NOL4: variants seen among roughly 807,000 people sequenced by gnomAD.
NOL4 encodes the protein nucleolar protein 4.
Under a neutral mutation model 75.9 loss-of-function variants are expected in NOL4, and 17 were observed. That is an observed-to-expected ratio of 0.22 (90% CI 0.15 to 0.34). NOL4 has a LOEUF of 0.34. Ranked by LOEUF, NOL4 falls within the 10% of genes least tolerant of loss-of-function variation. The pLI is 1.00. For synonymous variants in NOL4, 292 were observed against 289.9 expected, an observed-to-expected ratio of 1.01 and a Z score of -0.07; for missense variants, 614 against 793.5, an observed-to-expected ratio of 0.77 and a Z score of 2.72.
intron 9 of NOL4, among the ~76,000 whole-genome samples, chr18:33,903,789 G>C (rs570322240): frequency 6.6e-6 from 1 of 151,962 alleles, no homozygotes; most frequent in African/African-American, 2.4e-5. Flanking sequence ...AATACTTTAT[G>C]TCTTGTTTCT....
rs548287975 is a variant in NOL4 at position 34,017,600 on chromosome 18, G to A, written c.1056+1718C>T. Among the ~76,000 whole-genome samples, 3 of 152,184 alleles carry A rather than the reference G, an allele frequency of 2.0e-5. No homozygotes were observed. In the South Asian group the frequency reaches 6.2e-4, roughly 32 times the overall value. ...AAGTATTTACTATGTTCTTTTTGAA[G>A]ACAATAATAAAAATAATATCTCTTG... On this transcript the variant is annotated intron_variant, in intron 6 of 10. Coordinates refer to ENST00000261592, the MANE Select transcript of NOL4 (RefSeq NM_003787.5).
At chr18:34,025,713 C>T (rs1190714025) in intron 5 of NOL4, among the ~76,000 whole-genome samples, 2 of 152,094 alleles carry the variant, frequency 1.3e-5, no homozygotes, top group African/African-American at 2.4e-5. Context: ...CCTTTTATCT[C>T]TAATTGCAGA....
At chr18:34,039,894 A>G (rs893394893) in intron 5 of NOL4, among the ~76,000 whole-genome samples, 1 of 152,140 alleles carries the variant, frequency 6.6e-6, no homozygotes, top group East Asian at 1.9e-4. Flanking sequence ...TCAGCTCAGC[A>G]TTCAATAAAT....
intron 6 of NOL4, among the ~76,000 whole-genome samples, chr18:33,970,039 A>C (rs185089589): frequency 6.6e-6 from 1 of 152,184 alleles, no homozygotes. Flanking sequence ...GGACCCATTC[A>C]GTAGGTCTAC....
At chr18:34,151,502 G>T (rs1345999799) in intron 1 of NOL4, among the ~76,000 whole-genome samples, 9 of 151,762 alleles carry the variant, frequency 5.9e-5, no homozygotes, top group Non-Finnish European at 2.9e-5. Context: ...CTGGAAGAAG[G>T]CAAAACTAAG....
Position 34,100,756 on chromosome 18 carries a change from T to C in NOL4, c.639+3291A>G, listed in dbSNP as rs558236740. 1.4e-3 allele frequency among the ~76,000 whole-genome samples: 214 copies of C among 152,284 alleles called. 1 individual carries two copies. The highest frequency in any genetic ancestry group is 2.5e-3 in the Non-Finnish European group (173 of 68,014). On this transcript the variant is annotated intron_variant, in intron 4 of 10. Coordinates refer to ENST00000261592, the MANE Select transcript of NOL4 (RefSeq NM_003787.5). ...TTGGTAGTATCTTCAGTCTCATGGC[T>C]TCACACACTATCTGCCGATGATGCT...
intron 6 of NOL4, among the ~76,000 whole-genome samples, chr18:34,008,481 G>A (rs2074184559): frequency 6.6e-6 from 1 of 151,560 alleles, no homozygotes; most frequent in Non-Finnish European, 1.5e-5. Flanking sequence ...TAATATCTTA[G>A]TTAATGAAAA....
chr18:33,861,975 C>G (rs539054642), intron 10 of NOL4, among the ~76,000 whole-genome samples: 1 of 152,126 alleles, frequency 6.6e-6, no homozygotes, highest in African/African-American at 2.4e-5. Flanking sequence ...AAACCTAAAC[C>G]AAAAGAACAA....
chr18:34,033,655 C>T (rs1324192261), intron 5 of NOL4, among the ~76,000 whole-genome samples: 1 of 151,970 alleles, frequency 6.6e-6, no homozygotes, highest in African/African-American at 2.4e-5. Flanking sequence ...GAAAACTCCC[C>T]AATTTAGGAA....
chr18:34,121,649 C>T (rs1276998258), intron 2 of NOL4, among the ~76,000 whole-genome samples: 2 of 152,174 alleles, frequency 1.3e-5, no homozygotes, highest in Non-Finnish European at 2.9e-5. Flanking sequence ...CGACAGTGCA[C>T]TATGGTTGCA....
rs529636235 is a variant in NOL4 at position 34,189,648 on chromosome 18, A to G, written c.264+33342T>C. 3.3e-5 allele frequency among the ~76,000 whole-genome samples: 5 copies of G among 152,312 alleles called. No individual in the cohort carries two copies. The East Asian group carries it at 7.7e-4, about 24-fold the overall frequency. ...ATTATATGTAATAATACATTTTAAG[A>G]CTATATTCCACCTGGTATATTTTAA... On this transcript the variant is annotated intron_variant, in intron 1 of 10. Coordinates refer to ENST00000261592, the MANE Select transcript of NOL4 (RefSeq NM_003787.5).
At position 33,968,085 on chromosome 18, in the gene NOL4, C is replaced by CAAAT. The variant is rs564622294; in HGVS notation, c.1057-9671_1057-9668dup. ...TGGGTGACAGAGTGAGACTCCATCTCAAATAAATAAATAAATAAATAAATA... is the reference window on the plus strand; with the variant it reads ...TGGGTGACAGAGTGAGACTCCATCTCAAATAAATAAATAAATAAATAAATAAATA... On this transcript the variant is annotated intron_variant, in intron 6 of 10. Transcript: ENST00000261592. Among the ~76,000 whole-genome samples the CAAAT allele has an allele frequency of 1.6e-3, 243 of 151,286 alleles. 1 individual carries two copies. The Middle Eastern group carries it at 0.024, about 15-fold the overall frequency.
At chr18:34,042,486 T>C (rs1346397279) in intron 5 of NOL4, among the ~76,000 whole-genome samples, 2 of 152,038 alleles carry the variant, frequency 1.3e-5, no homozygotes, top group Admixed American at 6.6e-5. Context: ...TTTAATCATA[T>C]TCCAAAAGTT....
At chr18:33,946,883 T>A (rs1036710614) in intron 8 of NOL4, among the ~76,000 whole-genome samples, 3 of 151,646 alleles carry the variant, frequency 2.0e-5, no homozygotes, top group African/African-American at 7.2e-5. Context: ...TAAATTACTA[T>A]ACACGAACCA....
At chr18:34,100,955 C>T (rs564236381) in intron 4 of NOL4, among the ~76,000 whole-genome samples, 136 of 152,276 alleles carry the variant, frequency 8.9e-4, no homozygotes, top group South Asian at 6.8e-3. Flanking sequence ...GTTTTTCTTA[C>T]ACTAGTTAAT....
At chr18:34,145,732 C>A (rs1288974932) in intron 1 of NOL4, among the ~76,000 whole-genome samples, 1 of 151,852 alleles carries the variant, frequency 6.6e-6, no homozygotes, top group African/African-American at 2.4e-5. Flanking sequence ...AAAAGAAAAA[C>A]TAACTCAATT....
At chr18:34,066,967 TA>T (rs1185033302) in intron 5 of NOL4, among the ~76,000 whole-genome samples, 3 of 152,120 alleles carry the variant, frequency 2.0e-5, no homozygotes, top group Non-Finnish European at 2.9e-5. Context: ...AAAATACCTT[TA>T]TACGTCAGGC....
intron 10 of NOL4, among the ~76,000 whole-genome samples, chr18:33,858,291 T>C (rs1182472907): frequency 6.6e-6 from 1 of 152,038 alleles, no homozygotes; most frequent in Non-Finnish European, 1.5e-5. Context: ...AATTCGCCCC[T>C]TGAAAACTTT....
At chr18:33,882,707 T>G (rs1045641445) in intron 10 of NOL4, among the ~76,000 whole-genome samples, 5 of 151,828 alleles carry the variant, frequency 3.3e-5, no homozygotes, top group Admixed American at 1.3e-4. Flanking sequence ...CATTACTGGG[T>G]ATATACCCAA....
Sources: allele counts gnomAD v4.1 joint callset (sites outside exome capture counted in the v4.1 genomes callset), GRCh38; gene constraint gnomAD v4.1.1; transcripts MANE v1.5; gene names NCBI Gene and HGNC (gene_info 2026-07-23, HGNC 2026-07-21).